PHACTR4: variants seen among roughly 807,000 people sequenced by gnomAD.
PHACTR4 encodes the protein phosphatase and actin regulator 4, also known as protein phosphatase 1, regulatory subunit 124.
A neutral mutation model predicts 72.7 loss-of-function variants in PHACTR4; 51 were observed. The observed-to-expected ratio is 0.70, with a 90% confidence interval of 0.56 to 0.89. PHACTR4 has a LOEUF of 0.89. Ranked by LOEUF, PHACTR4 falls within the 40% of genes least tolerant of loss-of-function variation. The probability of loss-of-function intolerance (pLI) is 0.00; values close to 1 mark genes in which losing one functional copy is unlikely to be tolerated. For missense variants in PHACTR4, 731 were observed against 861.8 expected, an observed-to-expected ratio of 0.85 and a Z score of 1.90; for synonymous variants, 255 against 302.5, an observed-to-expected ratio of 0.84 and a Z score of 1.63.
intron 2 of PHACTR4, among the ~76,000 whole-genome samples, chr1:28,443,693 G>A (rs556482053): frequency 4.0e-4 from 61 of 152,000 alleles, no homozygotes; most frequent in African/African-American, 1.4e-3. Flanking sequence ...GGACTCAAGT[G>A]ATCTTCCTGC....
At chr1:28,393,912 C>T (rs1653263865) in intron 1 of PHACTR4, among the ~76,000 whole-genome samples, 1 of 151,846 alleles carries the variant, frequency 6.6e-6, no homozygotes. Flanking sequence ...AAGGTTTTGC[C>T]ATGTTGCCCA....
In PHACTR4 at chr1:28,472,207, C is replaced by CAAA. The variant is rs1346388139; in HGVS notation, c.824-1334_824-1332dup. Among the ~76,000 whole-genome samples, 234 of 117,748 alleles carry CAAA rather than the reference C, an allele frequency of 2.0e-3. 4 individuals carry two copies. The highest frequency in any genetic ancestry group is 6.4e-3 in the African/African-American group (219 of 34,214). The allele number at this position is 117,748 out of a possible 152,430, so 77.2% of individuals were successfully genotyped here. On this transcript the variant is annotated intron_variant, in intron 6 of 13. Coordinates refer to ENST00000373839, the MANE Select transcript of PHACTR4 (RefSeq NM_001048183.3). ...CAGCCTGGGCGACAAGACTCCGTCT[C>CAAA]AAAAAAAAAAAAAAATTAGAGACAG...
intron 8 of PHACTR4, among the ~76,000 whole-genome samples, chr1:28,478,648 G>A (rs969399242): frequency 4.6e-5 from 7 of 151,970 alleles, no homozygotes; most frequent in Admixed American, 3.3e-4. Context: ...TGGAGACAGG[G>A]TTTCACCATA....
chr1:28,452,804 A>G (rs888351156), intron 2 of PHACTR4, among the ~76,000 whole-genome samples: 2 of 148,636 alleles, frequency 1.3e-5, no homozygotes, highest in Non-Finnish European at 3.0e-5. Context: ...TCAAAAAATA[A>G]AAAATACAAA....
intron 1 of PHACTR4, among the ~76,000 whole-genome samples, chr1:28,405,539 C>G (rs1401595387): frequency 6.6e-6 from 1 of 150,788 alleles, no homozygotes; most frequent in Non-Finnish European, 1.5e-5. Flanking sequence ...GTTGTCCAGG[C>G]TGGTCTCAAA....
intron 1 of PHACTR4, among the ~76,000 whole-genome samples, chr1:28,383,338 T>C (rs1652331986): frequency 6.6e-6 from 1 of 152,176 alleles, no homozygotes; most frequent in Admixed American, 6.6e-5. Flanking sequence ...CTTGGCTCTT[T>C]TGGTTCCATA....
At position 28,446,949 on chromosome 1, in the gene PHACTR4, A is replaced by G. The variant is rs1657520108; in HGVS notation, c.17-12136A>G. Among the ~76,000 whole-genome samples, 2 of 152,042 alleles carry G rather than the reference A, an allele frequency of 1.3e-5. 1 individual carries two copies. The highest frequency in any genetic ancestry group is 4.2e-4 in the South Asian group (2 of 4,818). On this transcript the variant is annotated intron_variant, in intron 2 of 13. Coordinates refer to ENST00000373839, the MANE Select transcript of PHACTR4 (RefSeq NM_001048183.3). The stretch of plus-strand genomic sequence containing the variant: ...TTCTTCCTATACAGACTGCAGAAAC[A>G]TGAGCCAATTAAGCCTCTTTTCTTT...
chr1:28,370,804 T>C (rs1201028425), intron 1 of PHACTR4, among the ~76,000 whole-genome samples: 1 of 151,962 alleles, frequency 6.6e-6, no homozygotes, highest in Non-Finnish European at 1.5e-5. Flanking sequence ...ATTAAAGAAA[T>C]GAATTTCGGG....
rs553613095 is a variant in PHACTR4, at chr1:28,462,107, A to G, written c.271+1815A>G. ...ACTGCAACCTCCATCTGCTGGGTTC[A>G]AGCAATTTTCCAGCCTCAGCCTCCC... On this transcript the variant is annotated intron_variant, in intron 4 of 13. Coordinates refer to ENST00000373839, the MANE Select transcript of PHACTR4 (RefSeq NM_001048183.3). 1.2e-4 allele frequency among the ~76,000 whole-genome samples: 19 copies of G among 152,108 alleles called. 1 individual carries two copies. The highest frequency in any genetic ancestry group is 6.8e-3 in the Middle Eastern group (2 of 294).
In PHACTR4 at chr1:28,381,008, A is replaced by AT. The variant is rs201429851; in HGVS notation, c.-39+11199dup. Among the ~76,000 whole-genome samples the AT allele has an allele frequency of 2.7e-3, 388 of 142,594 alleles. 6 individuals are homozygous for AT. The East Asian group carries it at 0.03, about 11-fold the overall frequency. The allele number at this position is 142,594 out of a possible 152,430, so 93.5% of individuals were successfully genotyped here. A position where few individuals can be genotyped will look rare whatever the true frequency, so the allele number is the denominator to read the frequency against. ...CAATCTCGCCAGCATTATTTTTTGA[A>AT]TTTTTTTTTTTTTTTTCCGAGACAG... On this transcript the variant is annotated intron_variant, in intron 1 of 13. Coordinates refer to ENST00000373839, the MANE Select transcript of PHACTR4 (RefSeq NM_001048183.3).
chr1:28,490,065 A>G (rs184967586), intron 10 of PHACTR4, among the ~76,000 whole-genome samples: 79 of 152,308 alleles, frequency 5.2e-4, no homozygotes, highest in South Asian at 1.0e-3. Context: ...TTTGCAGGCC[A>G]AAAAGCAAAT....
intron 9 of PHACTR4, among the ~76,000 whole-genome samples, chr1:28,484,749 C>T (rs933666383): frequency 2.0e-5 from 3 of 151,546 alleles, no homozygotes; most frequent in Non-Finnish European, 4.4e-5. Flanking sequence ...GGGTGGATCA[C>T]GAGGTCAGGA....
intron 6 of PHACTR4, among the ~76,000 whole-genome samples, chr1:28,472,036 C>T (rs910357606): frequency 6.6e-6 from 1 of 151,902 alleles, no homozygotes. Flanking sequence ...ATGATGAAAC[C>T]CCGTCTTTAC....
intron 1 of PHACTR4, 45 bp downstream of exon 1, chr1:28,369,870 T>C: frequency 2.3e-6 from 1 of 431,776 alleles, no homozygotes; most frequent in South Asian, 1.6e-5. Context: ...GCGCTCAGTA[T>C]CAGGCTGCGG....
chr1:28,422,970 G>A (rs1339300307), intron 2 of PHACTR4, among the ~76,000 whole-genome samples: 1 of 152,228 alleles, frequency 6.6e-6, no homozygotes, highest in African/African-American at 2.4e-5. Flanking sequence ...TGTAGTTTTA[G>A]TAGAGACGGG....
chr1:28,374,081 C>T (rs116773208), intron 1 of PHACTR4, among the ~76,000 whole-genome samples: 3,203 of 152,270 alleles, frequency 0.021, 71 homozygotes, highest in South Asian at 0.097. Flanking sequence ...ATGAGTCTTT[C>T]TCTTAAATTA....
In PHACTR4 at chr1:28,466,604, C is replaced by T. The variant is rs1659184986; in HGVS notation, c.659C>T (p.Thr220Ile). ...ACTGCTGCCACAAGCCTTGCAAAGACTGTTAATCTCTCTGTCACCCCTTCC... is the reference window on the plus strand; with the variant it reads ...ACTGCTGCCACAAGCCTTGCAAAGATTGTTAATCTCTCTGTCACCCCTTCC... Reference protein sequence around the residue: ...ATTAATSLAKTVNLSVTPSPA... With the variant: ...ATTAATSLAKIVNLSVTPSPA... Residue 220 changes from threonine (T) to isoleucine (I), a missense_variant, in exon 6 of 14, where the codon ACT becomes ATT. This residue lies in a region of PHACTR4 where 621 missense variants were observed against 676.6 expected (regional missense o/e 0.92). Transcript: ENST00000373839. 6.2e-7 allele frequency: 1 copy of T among 1,614,054 alleles called. No individual in the cohort carries two copies. Among genetic ancestry groups the T allele is most frequent in the Non-Finnish European group, 8.5e-7 (1 of 1,179,978 alleles).
chr1:28,447,002 T>TTTATTTATTTATTTA (rs1657524394), intron 2 of PHACTR4, among the ~76,000 whole-genome samples: 3 of 150,596 alleles, frequency 2.0e-5, no homozygotes, highest in African/African-American at 7.4e-5. Flanking sequence ...AGGTATTTCT[T>TTTATTTATTTATTTA]TTTATTTATT....
chr1:28,480,351 A>T, intron 8 of PHACTR4, 100 bp from the exon 9 acceptor site: 1 of 1,369,382 alleles, frequency 7.3e-7, no homozygotes, highest in Non-Finnish European at 1.0e-6. Context: ...ACTGGGAATT[A>T]AATATTGTAT....
Sources: gnomAD v4.1 joint callset for allele counts (sites outside exome capture counted in the v4.1 genomes callset) on GRCh38, gnomAD v4.1.1 for gene constraint, gnomAD v4.1.1 regional missense constraint, MANE v1.5 for transcripts, NCBI Gene and HGNC (gene_info 2026-07-23, HGNC 2026-07-21) for gene names.